The following PLEKHM1 variants were observed in gnomAD, a reference collection of about 807,000 sequenced individuals.
The protein encoded by PLEKHM1 is pleckstrin homology and RUN domain containing M1.
A neutral mutation model predicts 94.3 loss-of-function variants in PLEKHM1; 28 were observed. That is an observed-to-expected ratio of 0.30 (90% confidence interval 0.22 to 0.41). PLEKHM1 has a LOEUF of 0.41. Ranked by LOEUF, PLEKHM1 falls within the 10% of genes least tolerant of loss-of-function variation. The pLI is 1.00. For synonymous variants in PLEKHM1, 424 were observed against 581.2 expected (o/e 0.73, Z 3.89); for missense variants, 907 against 1,358.6 (o/e 0.67, Z 5.22).
At chr17:45,469,871 A>G (rs139259228) in intron 4 of PLEKHM1, among the ~76,000 whole-genome samples, 5,761 of 152,260 alleles carry the variant, frequency 0.038, 346 homozygotes, top group African/African-American at 0.13. Context: ...TCAGGAGTTC[A>G]AGACTAGCAT....
chr17:45,445,797 A>G lies in PLEKHM1; in HGVS notation c.2644-134T>C, dbSNP rs935992088. ...TTACAGATGGGGAAACTGAGGCTCAAGGAGATGAAGAGATTTGGCTAGGGT... is the reference window on the plus strand; with the variant it reads ...TTACAGATGGGGAAACTGAGGCTCAGGGAGATGAAGAGATTTGGCTAGGGT... On this transcript the variant is annotated intron_variant, in intron 8 of 11. Coordinates refer to ENST00000430334, the MANE Select transcript of PLEKHM1 (RefSeq NM_014798.3). The surrounding 1 kb of genome is among the most constrained non-coding windows in gnomAD (Gnocchi z 4.2). 1.3e-5 allele frequency: 9 copies of G among 686,756 alleles called. No individual in the cohort carries two copies. The highest frequency in any genetic ancestry group is 2.1e-5 in the Non-Finnish European group (8 of 383,464). 42.5% of individuals were successfully genotyped at this position (686,756 alleles called of 1,614,324 possible). A position where few individuals can be genotyped will look rare whatever the true frequency, so the allele number is the denominator to read the frequency against.
At chr17:45,438,329 C>T (rs750732419) in intron 11 of PLEKHM1, among the ~76,000 whole-genome samples, 2 of 151,664 alleles carry the variant, frequency 1.3e-5, no homozygotes, top group African/African-American at 2.4e-5. Flanking sequence ...GTCAGGAGAT[C>T]GAGACCATCC....
intron 5 of PLEKHM1, among the ~76,000 whole-genome samples, chr17:45,460,920 T>G (rs2051132865): frequency 6.6e-6 from 1 of 152,306 alleles, no homozygotes; most frequent in East Asian, 1.9e-4. Flanking sequence ...AGTCTTGCTC[T>G]GTCGCCCAGG....
At chr17:45,488,957 GA>G (rs2052217932) in intron 1 of PLEKHM1, among the ~76,000 whole-genome samples, 1 of 152,104 alleles carries the variant, frequency 6.6e-6, no homozygotes, top group Non-Finnish European at 1.5e-5. Context: ...AAGAAAGAAA[GA>G]AAAAAGCTGC....
At chr17:45,479,269 C>G (rs1197091274) in intron 2 of PLEKHM1, among the ~76,000 whole-genome samples, 4 of 152,030 alleles carry the variant, frequency 2.6e-5, no homozygotes, top group Admixed American at 2.0e-4. Context: ...CCTGTAACCC[C>G]AGCACTTTGG....
intron 4 of PLEKHM1, among the ~76,000 whole-genome samples, chr17:45,474,551 C>T (rs2051644307): frequency 6.6e-6 from 1 of 152,200 alleles, no homozygotes; most frequent in African/African-American, 2.4e-5. Context: ...TATGTTTCAT[C>T]TATTTGTTGG....
Position 45,437,046 on chromosome 17 carries a change from AG to A in PLEKHM1, c.*811del, listed in dbSNP as rs1470750374. Reference sequence around the variant, plus strand: ...CAAGACGGCGACCCTCCATAAACCGAGGAGGGCTCAAAGTGCTGACAGTGCT... The same window carrying A: ...CAAGACGGCGACCCTCCATAAACCGAGAGGGCTCAAAGTGCTGACAGTGCT... On this transcript the variant is annotated 3_prime_UTR_variant, in exon 12 of 12. Coordinates refer to ENST00000430334, the MANE Select transcript of PLEKHM1 (RefSeq NM_014798.3). This position sits in a 1 kb window ranked among gnomAD's most constrained non-coding sequence, Gnocchi z 4.0. 1 of 454,360 alleles carries A rather than the reference AG, an allele frequency of 2.2e-6. No homozygotes were observed. Among genetic ancestry groups the A allele is most frequent in the Non-Finnish European group, 4.4e-6 (1 of 226,788 alleles). 28.1% of individuals were successfully genotyped at this position (454,360 alleles called of 1,614,324 possible). A position where few individuals can be genotyped will look rare whatever the true frequency, so the allele number is the denominator to read the frequency against.
chr17:45,460,724 A>T (rs1027543654), intron 5 of PLEKHM1, among the ~76,000 whole-genome samples: 41 of 151,408 alleles, frequency 2.7e-4, no homozygotes, highest in Non-Finnish European at 3.8e-4. Flanking sequence ...TGCCCAGCAA[A>T]TTTTTTATAT....
intron 6 of PLEKHM1, 37 bp downstream of exon 6, chr17:45,458,132 C>A: frequency 6.2e-7 from 1 of 1,601,496 alleles, no homozygotes; most frequent in Non-Finnish European, 8.5e-7. Flanking sequence ...CTGGTCCCTG[C>A]AGATGGGACC....
At chr17:45,434,906 T>C (rs1269997027), downstream of PLEKHM1, among the ~76,000 whole-genome samples, 4 of 146,006 alleles carry the variant, frequency 2.7e-5, no homozygotes, top group Non-Finnish European at 6.0e-5. Context: ...GAAGTGGAGG[T>C]TGCAGTGAGC....
At position 45,453,019 on chromosome 17, in the gene PLEKHM1, C is replaced by T; in HGVS notation, c.2497+336G>A. The T allele has an allele frequency of 5.8e-6, 3 of 518,448 alleles. No homozygotes were observed. Among genetic ancestry groups the T allele is most frequent in the South Asian group, 2.2e-5 (1 of 45,198 alleles). 32.1% of individuals were successfully genotyped at this position (518,448 alleles called of 1,614,324 possible). A position where few individuals can be genotyped will look rare whatever the true frequency, so the allele number is the denominator to read the frequency against. On this transcript the variant is annotated intron_variant, in intron 7 of 11. Coordinates refer to ENST00000430334, the MANE Select transcript of PLEKHM1 (RefSeq NM_014798.3). This position sits in a 1 kb window ranked among gnomAD's most constrained non-coding sequence, Gnocchi z 4.1. ...GAAATATTTGGAAGGAAACCATGCCCCTGCTCTGAAAGAACAGGACGGTAG... is the reference window on the plus strand; with the variant it reads ...GAAATATTTGGAAGGAAACCATGCCTCTGCTCTGAAAGAACAGGACGGTAG...
rs2035342985 is a variant in PLEKHM1 at position 45,437,449 on chromosome 17, A to T, written c.*409T>A. The T allele has an allele frequency of 2.1e-6, 1 of 466,308 alleles. No individual in the cohort carries two copies. Among genetic ancestry groups the T allele is most frequent in the African/African-American group, 2.0e-5 (1 of 50,610 alleles). 28.9% of individuals were successfully genotyped at this position (466,308 alleles called of 1,614,324 possible). A position where few individuals can be genotyped will look rare whatever the true frequency, so the allele number is the denominator to read the frequency against. Reference sequence around the variant, plus strand: ...GAATAAAAAAATACTTTCTGTTGAAATATGAATGGGAAAAACCCACCTTAA... The same window carrying T: ...GAATAAAAAAATACTTTCTGTTGAATTATGAATGGGAAAAACCCACCTTAA... On this transcript the variant is annotated 3_prime_UTR_variant, in exon 12 of 12. Transcript: ENST00000430334. The surrounding 1 kb of genome is among the most constrained non-coding windows in gnomAD (Gnocchi z 4.0).
intron 8 of PLEKHM1, among the ~76,000 whole-genome samples, chr17:45,448,309 A>G (rs999650282): frequency 4.6e-5 from 7 of 152,256 alleles, no homozygotes; most frequent in Non-Finnish European, 1.0e-4. Flanking sequence ...GACAAGGCAA[A>G]CAACAAAAAA....
At chr17:45,475,013 A>G in intron 4 of PLEKHM1, 87 bp downstream of exon 4, 1 of 1,409,988 alleles carries the variant, frequency 7.1e-7, no homozygotes, top group Non-Finnish European at 9.9e-7. Context: ...GTAACAGACA[A>G]TCACATGCTA....
downstream of PLEKHM1, among the ~76,000 whole-genome samples, chr17:45,434,769 A>G (rs1209418430): frequency 6.6e-6 from 1 of 152,010 alleles, no homozygotes; most frequent in Non-Finnish European, 1.5e-5. Context: ...GACTACTTAC[A>G]TTATATGATA....
chr17:45,438,027 C>G (rs2050323123), intron 11 of PLEKHM1, 58 bp from the exon 12 acceptor site: 1 of 1,326,858 alleles, frequency 7.5e-7, no homozygotes. Flanking sequence ...GCCCTGTGGC[C>G]ACGCTGGCCA....
Position 45,436,075 on chromosome 17 carries a change from C to T in PLEKHM1, c.*1783G>A, listed in dbSNP as rs11012. The stretch of plus-strand genomic sequence containing the variant: ...CACTACCTTTCTGAGGGAGGGGAGG[C>T]GGGAAGAGTCAATGCATCTGAAAGC... On this transcript the variant is annotated 3_prime_UTR_variant, in exon 12 of 12. Coordinates refer to ENST00000430334, the MANE Select transcript of PLEKHM1 (RefSeq NM_014798.3). 0.13 allele frequency: 61,046 copies of T among 456,526 alleles called. 5,159 individuals are homozygous for T. Among genetic ancestry groups the T allele is most frequent in the Middle Eastern group, 0.2 (616 of 3,076 alleles). The allele number at this position is 456,526 out of a possible 1,614,324, so 28.3% of individuals were successfully genotyped here. A position where few individuals can be genotyped will look rare whatever the true frequency, so the allele number is the denominator to read the frequency against.
At chr17:45,489,019 T>A (rs1038680785) in intron 1 of PLEKHM1, among the ~76,000 whole-genome samples, 5 of 151,968 alleles carry the variant, frequency 3.3e-5, no homozygotes, top group Non-Finnish European at 5.9e-5. Flanking sequence ...TCAGAGAAAA[T>A]GTGTACCAAA....
chr17:45,461,805 C>G (rs2051160512), intron 5 of PLEKHM1, among the ~76,000 whole-genome samples: 1 of 152,128 alleles, frequency 6.6e-6, no homozygotes, highest in East Asian at 1.9e-4. Flanking sequence ...TGCTCACTGG[C>G]TGGGGAAGAT....
Sources: allele counts gnomAD v4.1 joint callset (sites outside exome capture counted in the v4.1 genomes callset), GRCh38; gene constraint gnomAD v4.1.1; non-coding constraint Gnocchi (gnomAD v3.1); transcripts MANE v1.5; gene names NCBI Gene and HGNC (gene_info 2026-07-23, HGNC 2026-07-21).